Variants in CFAP300 observed in about 807,000 individuals in gnomAD.
The protein encoded by CFAP300 is cilia and flagella associated protein 300.
A neutral mutation model predicts 33.0 loss-of-function variants in CFAP300; 32 were observed. That is an observed-to-expected ratio of 0.97 (90% CI 0.73 to 1.30). The LOEUF (loss-of-function observed/expected upper bound fraction) is 1.30. Among genes scored for constraint, CFAP300 ranks in the 50% most tolerant of loss-of-function variants. CFAP300 has a pLI of 0.00. For missense variants in CFAP300, 356 were observed against 318.1 expected (o/e 1.12, Z -0.90); for synonymous variants, 102 against 106.8 (o/e 0.95, Z 0.28).
chr11:102,057,896 T>C (rs888070591), intron 2 of CFAP300: 12 of 152,232 alleles, frequency 7.9e-5, no homozygotes, highest in Non-Finnish European at 1.6e-4. Context: ...CTAAGCAGGA[T>C]TGGGCCTGGT....
At chr11:102,055,726 G>C (rs946319313) in intron 2 of CFAP300, among the ~76,000 whole-genome samples, 1 of 141,368 alleles carries the variant, frequency 7.1e-6, no homozygotes, top group Admixed American at 7.3e-5. Context: ...AGGCTGGAGT[G>C]CAGTGGCACG....
At chr11:102,076,089 A>G (rs775160676) in intron 5 of CFAP300, 44 bp downstream of exon 5, 5 of 1,550,044 alleles carry the variant, frequency 3.2e-6, no homozygotes, top group Non-Finnish European at 4.3e-6. Context: ...AGTTAATAGA[A>G]TAAATTATTT....
chr11:102,063,323 T>A (rs1346064889), intron 3 of CFAP300, among the ~76,000 whole-genome samples: 1 of 152,276 alleles, frequency 6.6e-6, no homozygotes, highest in Non-Finnish European at 1.5e-5. Context: ...ACCCCTTTCT[T>A]ATTTCCTGTT....
chr11:102,069,498 TA>T (rs1406673817), intron 4 of CFAP300, among the ~76,000 whole-genome samples: 1 of 152,166 alleles, frequency 6.6e-6, no homozygotes, highest in East Asian at 1.9e-4. Context: ...AAAATTATTA[TA>T]TTTTTTTAAA....
intron 2 of CFAP300, among the ~76,000 whole-genome samples, chr11:102,050,129 C>CA (rs531760240): frequency 1.0e-4 from 15 of 148,180 alleles, no homozygotes; most frequent in East Asian, 3.9e-4. Context: ...GACCCTGTCT[C>CA]AAAAAAAAAA....
intron 2 of CFAP300, among the ~76,000 whole-genome samples, chr11:102,050,481 G>A (rs1241813823): frequency 6.6e-6 from 1 of 152,268 alleles, no homozygotes; most frequent in African/African-American, 2.4e-5. Context: ...TTCCAAAAAT[G>A]TATTTCTGAG....
rs142995742 is a variant in CFAP300, at chr11:102,075,435, C to T, written c.436-438C>T. On this transcript the variant is annotated intron_variant, in intron 4 of 6. Transcript: ENST00000434758. ...GAGTACTTGTGGGAGTAAGAACAAT[C>T]GTGATCCAAAATCCATAAGAGGAGA... 1.5e-3 allele frequency among the ~76,000 whole-genome samples: 222 copies of T among 152,214 alleles called. 1 individual carries two copies. In the Middle Eastern group the frequency reaches 0.017, roughly 12 times the overall value.
At chr11:102,065,538 G>A (rs1344668183) in intron 3 of CFAP300, among the ~76,000 whole-genome samples, 3 of 151,978 alleles carry the variant, frequency 2.0e-5, no homozygotes, top group African/African-American at 7.2e-5. Flanking sequence ...AAGCCGAGGC[G>A]GGCGGATCAC....
intron 4 of CFAP300, among the ~76,000 whole-genome samples, chr11:102,072,404 A>G (rs910060654): frequency 1.3e-5 from 2 of 151,714 alleles, no homozygotes; most frequent in Non-Finnish European, 2.9e-5. Flanking sequence ...ATTTCTTTGT[A>G]TCCTTTATCT....
intron 3 of CFAP300, among the ~76,000 whole-genome samples, chr11:102,063,252 T>G (rs1942176809): frequency 6.6e-6 from 1 of 152,246 alleles, no homozygotes; most frequent in East Asian, 1.9e-4. Context: ...AGATTATCCT[T>G]GAGCATTTAA....
chr11:102,064,276 C>T (rs1187768077), intron 3 of CFAP300, among the ~76,000 whole-genome samples: 3 of 152,182 alleles, frequency 2.0e-5, no homozygotes, highest in South Asian at 2.1e-4. Context: ...ATGGCATGCC[C>T]GATGTCAGTC....
Position 102,074,356 on chromosome 11 carries a change from A to G in CFAP300, c.436-1517A>G, listed in dbSNP as rs548244983. Among the ~76,000 whole-genome samples the G allele has an allele frequency of 3.3e-3, 509 of 152,292 alleles. 1 individual carries two copies. The highest frequency in any genetic ancestry group is 5.4e-3 in the Non-Finnish European group (369 of 68,016). On this transcript the variant is annotated intron_variant, in intron 4 of 6. Coordinates refer to ENST00000434758, the MANE Select transcript of CFAP300 (RefSeq NM_032930.3). Reference sequence around the variant, plus strand: ...CATGGTGAGGATTGCAGGAGTCCACAGTAGAAATGTAGACTGCTGGGGTCT... The same window carrying G: ...CATGGTGAGGATTGCAGGAGTCCACGGTAGAAATGTAGACTGCTGGGGTCT...
chr11:102,058,535 G>T (rs1165180251), intron 2 of CFAP300, among the ~76,000 whole-genome samples: 2 of 147,862 alleles, frequency 1.4e-5, no homozygotes, highest in Non-Finnish European at 3.0e-5. Context: ...GTTACTTTTG[G>T]ATTTAGATCT....
chr11:102,047,497 G>C lies in CFAP300; in HGVS notation c.27G>C (p.Leu9Phe). 6.5e-7 allele frequency: 1 copy of C among 1,536,010 alleles called. No individual in the cohort carries two copies. Among genetic ancestry groups the C allele is most frequent in the Non-Finnish European group, 8.7e-7 (1 of 1,146,792 alleles). Residue 9 changes from leucine (L) to phenylalanine (F), a missense_variant, in exon 1 of 7, where the codon TTG becomes TTC. Physicochemically the swap from Leu to Phe is conservative, Grantham distance 22. Transcript: ENST00000434758. MATGELGD[L>F]GGYYFRFLPQ... Reference sequence around the variant, plus strand: ...TGGCTACTGGGGAGCTCGGGGACTTGGGTGGCTACTACTTCAGGTTCTTGC... The same window carrying C: ...TGGCTACTGGGGAGCTCGGGGACTTCGGTGGCTACTACTTCAGGTTCTTGC...
chr11:102,047,849 G>T lies in CFAP300; in HGVS notation c.145G>T (p.Gly49Cys). 1 of 1,614,164 alleles carries T rather than the reference G, an allele frequency of 6.2e-7. No homozygotes were observed. The highest frequency in any genetic ancestry group is 8.5e-7 in the Non-Finnish European group (1 of 1,180,030). The change falls in exon 2 of 7, where the codon GGC (glycine) becomes TGC (cysteine). Residue 49 changes from glycine to cysteine, a missense_variant. By Grantham distance (159) the Gly-to-Cys change is radical (BLOSUM62 -3). Coordinates refer to ENST00000434758, the MANE Select transcript of CFAP300 (RefSeq NM_032930.3). ...MLGRIKAQAF[G>C]FDQTFQSYRK... ...GGGCAGAATCAAGGCGCAGGCGTTCGGCTTTGACCAGACCTTTCAGTCCTA... is the reference window on the plus strand; with the variant it reads ...GGGCAGAATCAAGGCGCAGGCGTTCTGCTTTGACCAGACCTTTCAGTCCTA...
At chr11:102,052,439 C>T (rs1378051536) in intron 2 of CFAP300, among the ~76,000 whole-genome samples, 1 of 152,098 alleles carries the variant, frequency 6.6e-6, no homozygotes, top group Non-Finnish European at 1.5e-5. Context: ...TGTCATAAGG[C>T]AACTTGCTTT....
chr11:102,075,113 G>GA (rs1261119672), intron 4 of CFAP300, among the ~76,000 whole-genome samples: 1 of 151,976 alleles, frequency 6.6e-6, no homozygotes, highest in Non-Finnish European at 1.5e-5. Flanking sequence ...TCTAAAAAAA[G>GA]AAAAAATAAA....
intron 1 of CFAP300, 111 bp downstream of exon 1, chr11:102,047,691 T>C (rs1941903471): frequency 4.2e-6 from 6 of 1,443,004 alleles, no homozygotes; most frequent in Non-Finnish European, 4.7e-6. Flanking sequence ...GAGTGAACCC[T>C]GAGGCTTCCT....
rs751891839 is a variant in CFAP300, at chr11:102,081,213, A to C, written c.609-2A>C. On this transcript the variant is annotated splice_acceptor_variant, in intron 5 of 6. Coordinates refer to ENST00000434758, the MANE Select transcript of CFAP300 (RefSeq NM_032930.3). LOFTEE classifies it high-confidence loss of function. Reference sequence around the variant, plus strand: ...AAAAGCACCTTTTCTTCCTTTTTTTAGTGTTCGAAAGAATCCTCAAACCAA... The same window carrying C: ...AAAAGCACCTTTTCTTCCTTTTTTTCGTGTTCGAAAGAATCCTCAAACCAA... 6.2e-7 allele frequency: 1 copy of C among 1,600,032 alleles called. No individual in the cohort carries two copies. The highest frequency in any genetic ancestry group is 2.2e-5 in the East Asian group (1 of 44,714).
Sources: gnomAD v4.1 joint callset for allele counts (sites outside exome capture counted in the v4.1 genomes callset) on GRCh38, gnomAD v4.1.1 for gene constraint, MANE v1.5 for transcripts, NCBI Gene and HGNC (gene_info 2026-07-23, HGNC 2026-07-21) for gene names.